NCAPG2: variants seen among roughly 807,000 people sequenced by gnomAD.
NCAPG2 encodes condensin-2 complex subunit G2.
A neutral mutation model predicts 141.1 loss-of-function variants in NCAPG2; 53 were observed. That is an observed-to-expected ratio of 0.38 (90% confidence interval 0.30 to 0.47). NCAPG2 has a LOEUF of 0.47. Ranked by LOEUF, NCAPG2 falls within the 20% of genes least tolerant of loss-of-function variation. The pLI is 0.99. For synonymous variants in NCAPG2, 499 were observed against 490.7 expected, an observed-to-expected ratio of 1.02 and a Z score of -0.22; for missense variants, 1,087 against 1,389.0, an observed-to-expected ratio of 0.78 and a Z score of 3.46.
At chr7:158,681,505 A>G (rs1247523043) in intron 9 of NCAPG2, among the ~76,000 whole-genome samples, 2 of 152,196 alleles carry the variant, frequency 1.3e-5, no homozygotes, top group East Asian at 1.9e-4. Flanking sequence ...TTAGTGAAAC[A>G]TGAAAATTTT....
intron 13 of NCAPG2, among the ~76,000 whole-genome samples, chr7:158,669,879 G>A (rs889471900): frequency 6.7e-6 from 1 of 150,374 alleles, no homozygotes; most frequent in African/African-American, 2.5e-5. Flanking sequence ...GAGCTTAAGT[G>A]ATCCTCCCAC....
intron 8 of NCAPG2, among the ~76,000 whole-genome samples, chr7:158,685,520 G>A (rs146788364): frequency 3.3e-5 from 5 of 152,254 alleles, no homozygotes; most frequent in African/African-American, 9.6e-5. Flanking sequence ...CATATAAAGT[G>A]GAGTAGTATC....
chr7:158,684,626 TAA>T (rs1326079691), intron 8 of NCAPG2, among the ~76,000 whole-genome samples: 1 of 152,210 alleles, frequency 6.6e-6, no homozygotes, highest in East Asian at 1.9e-4. Flanking sequence ...CTGAAAAACT[TAA>T]AGAGAGGGAG....
chr7:158,675,179 T>G (rs1311279077), intron 12 of NCAPG2, among the ~76,000 whole-genome samples: 1 of 152,208 alleles, frequency 6.6e-6, no homozygotes, highest in East Asian at 1.9e-4. Context: ...ATGTACAAGA[T>G]TCTATGCAAA....
In NCAPG2 at chr7:158,683,314, A is replaced by C. The variant is rs1156519541; in HGVS notation, c.910T>G (p.Ser304Ala). ...IHLPRRSPVH[S>A]KVREVLSYFH... is the part of the protein sequence containing the mutation. ...CACAATCTTACCTCCCGCACTTTGG[A>C]ATGCACTGGAGACCTCCTCGGAAGG... Residue 304 changes from serine to alanine, a missense_variant, in exon 9 of 28, where the codon TCC (serine) becomes GCC (alanine). Transcript: ENST00000356309. The C allele has an allele frequency of 5.6e-6, 9 of 1,595,584 alleles. No homozygotes were observed. The highest frequency in any genetic ancestry group is 6.8e-6 in the Non-Finnish European group (8 of 1,172,058).
intron 13 of NCAPG2, among the ~76,000 whole-genome samples, chr7:158,666,873 A>G (rs530069696): frequency 6.6e-6 from 1 of 152,248 alleles, no homozygotes; most frequent in South Asian, 2.1e-4. Context: ...ACAGCTGACA[A>G]AGGAAACAAA....
rs1835822242 is a variant in NCAPG2 at position 158,701,910 on chromosome 7, A to G, written c.-11T>C. ...CTCACGTTTTTCCATGACAGATGGC[A>G]CTGTTCAAATGGCATTTATTTTGTA... On this transcript the variant is annotated 5_prime_UTR_variant, in exon 2 of 28. Transcript: ENST00000356309. 2.5e-6 allele frequency: 4 copies of G among 1,608,372 alleles called. No homozygotes were observed. The highest frequency in any genetic ancestry group is 1.1e-5 in the South Asian group (1 of 89,554).
intron 13 of NCAPG2, among the ~76,000 whole-genome samples, chr7:158,670,490 T>C (rs1453777458): frequency 6.6e-6 from 1 of 152,148 alleles, no homozygotes; most frequent in Non-Finnish European, 1.5e-5. Context: ...GGCTTGAGGT[T>C]GCAGTGAACC....
chr7:158,635,962 A>G (rs1158278494), intron 27 of NCAPG2, among the ~76,000 whole-genome samples: 2 of 152,140 alleles, frequency 1.3e-5, no homozygotes, highest in African/African-American at 2.4e-5. Flanking sequence ...TGTTTCATCA[A>G]TTTGTCAGAT....
intron 27 of NCAPG2, among the ~76,000 whole-genome samples, chr7:158,636,759 T>C (rs1484094327): frequency 6.6e-6 from 1 of 152,186 alleles, no homozygotes. Flanking sequence ...CTACATCCTG[T>C]GAAAACAATT....
At chr7:158,640,933 G>A (rs545104559) in intron 27 of NCAPG2, 1 of 152,118 alleles carries the variant, frequency 6.6e-6, no homozygotes, top group Non-Finnish European at 1.5e-5. Context: ...TGACAGCAAT[G>A]ATACAAGGAA....
At chr7:158,655,569 C>A (rs1831852741) in intron 19 of NCAPG2, 114 bp from the exon 20 acceptor site, 2 of 814,644 alleles carry the variant, frequency 2.5e-6, no homozygotes, top group East Asian at 5.4e-5. Context: ...AAGACCCCCG[C>A]TCTGGTGAAG....
intron 4 of NCAPG2, among the ~76,000 whole-genome samples, chr7:158,691,788 C>T (rs1177901513): frequency 2.0e-5 from 3 of 152,188 alleles, no homozygotes; most frequent in Non-Finnish European, 4.4e-5. Context: ...AATCACTCCT[C>T]AGATCACGTT....
At chr7:158,671,990 T>C (rs1833712508) in intron 12 of NCAPG2, among the ~76,000 whole-genome samples, 1 of 152,104 alleles carries the variant, frequency 6.6e-6, no homozygotes, top group African/African-American at 2.4e-5. Flanking sequence ...AAACACAGAA[T>C]AACTACTGGT....
chr7:158,688,527 C>T (rs1354755171), intron 6 of NCAPG2, among the ~76,000 whole-genome samples: 1 of 152,218 alleles, frequency 6.6e-6, no homozygotes, highest in Non-Finnish European at 1.5e-5. Context: ...GTGTGGGGCA[C>T]AGGCTGTGTC....
intron 13 of NCAPG2, chr7:158,668,534 C>G: frequency 1.4e-6 from 1 of 706,756 alleles, no homozygotes; most frequent in East Asian, 1.3e-4. Context: ...GAATTTATTT[C>G]AAAATAGTCC....
Position 158,646,512 on chromosome 7 carries a change from G to A in NCAPG2, c.3127C>T (p.Pro1043Ser), listed in dbSNP as rs1338905765. Residue 1043 changes from proline to serine, a missense_variant, in exon 25 of 28, where the codon CCA becomes TCA. Physicochemically the swap from Pro to Ser is moderately conservative, Grantham distance 74. Transcript: ENST00000356309. ...TPPEHLSDLP[P>S]FSRCLIGIII... Reference sequence around the variant, plus strand: ...ATTCCTATTAAACACCTTGAAAATGGTGGAAGATCAGAAAGATGCTCTGGA... The same window carrying A: ...ATTCCTATTAAACACCTTGAAAATGATGGAAGATCAGAAAGATGCTCTGGA... 2.5e-6 allele frequency: 4 copies of A among 1,584,948 alleles called. No individual in the cohort carries two copies. Among genetic ancestry groups the A allele is most frequent in the Non-Finnish European group, 3.4e-6 (4 of 1,172,554 alleles).
intron 27 of NCAPG2, chr7:158,641,234 TAAC>T: frequency 2.9e-6 from 1 of 343,660 alleles, no homozygotes; most frequent in Non-Finnish European, 5.2e-6. Flanking sequence ...TAGGAACAAA[TAAC>T]AAGGGGAACA....
rs549694316 is a variant in NCAPG2, at chr7:158,648,316, T to C, written c.3076-1753A>G. Among the ~76,000 whole-genome samples the C allele has an allele frequency of 2.7e-5, 4 of 145,764 alleles. No homozygotes were observed. The South Asian group carries it at 8.7e-4, about 32-fold the overall frequency. The stretch of plus-strand genomic sequence containing the variant: ...CTAGAGAAATCACTAAAAAAAAAAA[T>C]TACACAAAAGATAATATAAAGTCAA... On this transcript the variant is annotated intron_variant, in intron 24 of 27. Coordinates refer to ENST00000356309, the MANE Select transcript of NCAPG2 (RefSeq NM_017760.7).
Sources: gnomAD v4.1 joint callset for allele counts (sites outside exome capture counted in the v4.1 genomes callset) on GRCh38, gnomAD v4.1.1 for gene constraint, MANE v1.5 for transcripts, NCBI Gene and HGNC (gene_info 2026-07-23, HGNC 2026-07-21) for gene names.